The following NGF variants were observed in gnomAD, a reference collection of about 807,000 sequenced individuals.
The protein encoded by NGF is beta-nerve growth factor.
In NGF, 4 loss-of-function variants were observed where a neutral mutation model predicts 12.8. That is an observed-to-expected ratio of 0.31 (90% CI 0.15 to 0.72). The LOEUF is 0.72. Ranked by LOEUF, NGF falls within the 30% of genes least tolerant of loss-of-function variation. NGF has a pLI of 0.69. For missense variants in NGF, 283 were observed against 330.8 expected (o/e 0.86, Z 1.12); for synonymous variants, 140 against 130.0 (o/e 1.08, Z -0.52).
intron 1 of NGF, among the ~76,000 whole-genome samples, chr1:115,328,888 G>C (rs1361257181): frequency 1.3e-5 from 2 of 152,158 alleles, no homozygotes. Flanking sequence ...GCATGAAATG[G>C]GAGAAAGACA....
At chr1:115,316,705 G>C (rs1352829704) in intron 1 of NGF, among the ~76,000 whole-genome samples, 1 of 152,076 alleles carries the variant, frequency 6.6e-6, no homozygotes, top group Admixed American at 6.6e-5. Flanking sequence ...AATTCTCAAA[G>C]AAATTCAATA....
chr1:115,331,492 C>T (rs1047240907), intron 1 of NGF, among the ~76,000 whole-genome samples: 17 of 152,182 alleles, frequency 1.1e-4, no homozygotes, highest in South Asian at 2.1e-4. Flanking sequence ...CTTGCAATTG[C>T]TCCATGTGTT....
chr1:115,313,574 CTT>C (rs2101042375), intron 1 of NGF, among the ~76,000 whole-genome samples: 1 of 152,244 alleles, frequency 6.6e-6, no homozygotes, highest in South Asian at 2.1e-4. Flanking sequence ...TTATTAAAAG[CTT>C]TTTCTTTTTT....
intron 2 of NGF, among the ~76,000 whole-genome samples, chr1:115,288,233 TC>T (rs1306204837): frequency 1.3e-5 from 2 of 152,198 alleles, no homozygotes; most frequent in Non-Finnish European, 2.9e-5. Context: ...GTGTGTTCTC[TC>T]CTACTAAATC....
intron 1 of NGF, among the ~76,000 whole-genome samples, chr1:115,328,299 C>T (rs1296377928): frequency 2.0e-5 from 3 of 152,152 alleles, no homozygotes; most frequent in Non-Finnish European, 2.9e-5. Context: ...TAGCCAGGCT[C>T]TCAAGAAAAT....
rs534734234 is a variant in NGF at position 115,300,962 on chromosome 1, G to A, written c.-136-7212C>T. ...GAAGGGCTATTTGACAGGGATTTTC[G>A]AGCTTATGTTAAGGAGTTTCATCTA... On this transcript the variant is annotated intron_variant, in intron 1 of 2. Transcript: ENST00000369512. 2.6e-3 allele frequency among the ~76,000 whole-genome samples: 400 copies of A among 152,246 alleles called. 3 individuals carry two copies. Among genetic ancestry groups the A allele is most frequent in the African/African-American group, 9.1e-3 (380 of 41,540 alleles).
intron 1 of NGF, among the ~76,000 whole-genome samples, chr1:115,315,597 T>C (rs1654455612): frequency 6.6e-6 from 1 of 152,078 alleles, no homozygotes; most frequent in Admixed American, 6.6e-5. Context: ...AGTGTCAAAT[T>C]TGAGATACCT....
intron 2 of NGF, among the ~76,000 whole-genome samples, chr1:115,291,028 C>T (rs1476736882): frequency 6.6e-6 from 1 of 152,220 alleles, no homozygotes; most frequent in Non-Finnish European, 1.5e-5. Flanking sequence ...AAAGTTCCTA[C>T]ACTCTAACAC....
chr1:115,329,517 A>C (rs1052032410), intron 1 of NGF, among the ~76,000 whole-genome samples: 3 of 152,166 alleles, frequency 2.0e-5, no homozygotes, highest in Non-Finnish European at 4.4e-5. Flanking sequence ...TATGACTTAT[A>C]GTAAAAAAAA....
intron 1 of NGF, among the ~76,000 whole-genome samples, chr1:115,304,619 A>G (rs1654145461): frequency 6.6e-6 from 1 of 152,066 alleles, no homozygotes; most frequent in Non-Finnish European, 1.5e-5. Flanking sequence ...ACATCTGAAG[A>G]CAAGTGGACT....
At chr1:115,323,350 A>G (rs79164412) in intron 1 of NGF, among the ~76,000 whole-genome samples, 4,414 of 152,236 alleles carry the variant, frequency 0.029, 120 homozygotes, top group East Asian at 0.089. Flanking sequence ...CACCAAGAAG[A>G]GGACCTAATG....
At chr1:115,315,643 T>C (rs1471207621) in intron 1 of NGF, among the ~76,000 whole-genome samples, 1 of 152,176 alleles carries the variant, frequency 6.6e-6, no homozygotes, top group African/African-American at 2.4e-5. Flanking sequence ...ATACCTTATA[T>C]TGGACATACA....
At chr1:115,288,654 C>A (rs758615793) in intron 2 of NGF, among the ~76,000 whole-genome samples, 3 of 152,184 alleles carry the variant, frequency 2.0e-5, no homozygotes, top group Non-Finnish European at 4.4e-5. Flanking sequence ...ACCCTATCAC[C>A]TCTCCTAGGG....
In NGF at chr1:115,326,318, G is replaced by C. The variant is rs140605208; in HGVS notation, c.-137+11886C>G. 5.8e-4 allele frequency among the ~76,000 whole-genome samples: 88 copies of C among 152,272 alleles called. 2 individuals are homozygous for C. The highest frequency in any genetic ancestry group is 2.0e-3 in the African/African-American group (85 of 41,550). ...TGGGGAGCTCCTCAGGCATTCGTTT[G>C]TGTTCAATGGTGGTGGCAATGGTAC... On this transcript the variant is annotated intron_variant, in intron 1 of 2. Transcript: ENST00000369512.
chr1:115,287,084 T>A (rs1213540971), intron 2 of NGF, among the ~76,000 whole-genome samples: 3 of 152,214 alleles, frequency 2.0e-5, no homozygotes, highest in Non-Finnish European at 4.4e-5. Context: ...TAGTTCGATA[T>A]GAGCTTGGAG....
intron 1 of NGF, among the ~76,000 whole-genome samples, chr1:115,323,891 G>A (rs143368908): frequency 5.0e-4 from 76 of 152,290 alleles, no homozygotes; most frequent in African/African-American, 1.8e-3. Context: ...CCTTTCTCTT[G>A]GAAACAGTGA....
chr1:115,288,752 C>A (rs780294998), intron 2 of NGF, among the ~76,000 whole-genome samples: 1 of 152,042 alleles, frequency 6.6e-6, no homozygotes, highest in East Asian at 1.9e-4. Context: ...GGCCAGTTGC[C>A]GTGTCTGGCA....
rs531079504 is a variant in NGF at position 115,299,948 on chromosome 1, A to G, written c.-136-6198T>C. On this transcript the variant is annotated intron_variant, in intron 1 of 2. Coordinates refer to ENST00000369512, the MANE Select transcript of NGF (RefSeq NM_002506.3). ...CAGCACCTATGGAGTCAAGGTTCGC[A>G]TGTAATCATAACAGCACCTATGGAG... 1.4e-4 allele frequency among the ~76,000 whole-genome samples: 21 copies of G among 152,320 alleles called. No individual in the cohort carries two copies. The South Asian group carries it at 1.9e-3, about 14-fold the overall frequency.
At chr1:115,305,087 A>G (rs1397437071) in intron 1 of NGF, among the ~76,000 whole-genome samples, 1 of 152,192 alleles carries the variant, frequency 6.6e-6, no homozygotes, top group African/African-American at 2.4e-5. Flanking sequence ...ATTAAATGTA[A>G]TATAATATTG....
Sources: allele counts gnomAD v4.1 joint callset (sites outside exome capture counted in the v4.1 genomes callset), GRCh38; gene constraint gnomAD v4.1.1; transcripts MANE v1.5; gene names NCBI Gene and HGNC (gene_info 2026-07-23, HGNC 2026-07-21).